Variants in LHX6 observed in about 807,000 individuals in gnomAD.
LHX6 encodes the protein LIM/homeobox protein Lhx6.
LHX6 carries 15 observed loss-of-function variants against 47.1 expected under a neutral mutation model. The observed-to-expected ratio is 0.32, with a 90% CI of 0.21 to 0.49. LHX6 has a LOEUF of 0.49. Among genes scored for constraint, LHX6 ranks in the 20% least tolerant of loss-of-function variants. LHX6 has a pLI of 0.99. For missense variants in LHX6, 404 were observed against 539.6 expected (o/e 0.75, Z 2.49); for synonymous variants, 242 against 233.5 (o/e 1.04, Z -0.33).
Position 122,203,835 on chromosome 9 carries a change from C to T in LHX6, c.*925G>A, listed in dbSNP as rs186265474. 1 of 152,648 alleles carries T rather than the reference C, an allele frequency of 6.6e-6. No individual in the cohort carries two copies. Among genetic ancestry groups the T allele is most frequent in the Non-Finnish European group, 1.5e-5 (1 of 68,124 alleles). The allele number at this position is 152,648 out of a possible 1,614,324, so 9.5% of individuals were successfully genotyped here. A position where few individuals can be genotyped will look rare whatever the true frequency, so the allele number is the denominator to read the frequency against. ...GGGATTCCCCTTCCATTGAGAAGACCTGGCCCAAGCACCACTATGAGAGGT... is the reference window on the plus strand; with the variant it reads ...GGGATTCCCCTTCCATTGAGAAGACTTGGCCCAAGCACCACTATGAGAGGT... On this transcript the variant is annotated 3_prime_UTR_variant, in exon 10 of 10. Transcript: ENST00000394319.
intron 9 of LHX6, among the ~76,000 whole-genome samples, chr9:122,207,279 A>G (rs1392669542): frequency 1.3e-5 from 2 of 152,332 alleles, no homozygotes; most frequent in Middle Eastern, 3.4e-3. Flanking sequence ...TCACCCTCCC[A>G]GGGAGACTAT....
At position 122,214,147 on chromosome 9, in the gene LHX6, C is replaced by T; in HGVS notation, c.784-78G>A. 1 of 1,462,660 alleles carries T rather than the reference C, an allele frequency of 6.8e-7. No individual in the cohort carries two copies. The highest frequency in any genetic ancestry group is 9.2e-7 in the Non-Finnish European group (1 of 1,082,222). The allele number at this position is 1,462,660 out of a possible 1,614,324, so 90.6% of individuals were successfully genotyped here. ...CGGCCCAATCAGCGGCGCCAGTCCA[C>T]AGGCCACGCCCCAGGCAGCTGCGGC... On this transcript the variant is annotated intron_variant, in intron 6 of 9. Coordinates refer to ENST00000394319, the MANE Select transcript of LHX6 (RefSeq NM_014368.5). This position sits in a 1 kb window ranked among gnomAD's most constrained non-coding sequence, Gnocchi z 4.6.
intron 8 of LHX6, 117 bp from the exon 9 acceptor site, chr9:122,209,834 C>G (rs1830332650): frequency 1.7e-6 from 1 of 597,314 alleles, no homozygotes. Flanking sequence ...CCACTTACCT[C>G]CTGGGTAGCC....
intron 1 of LHX6, 70 bp downstream of exon 1, chr9:122,228,587 C>A: frequency 1.5e-6 from 2 of 1,355,664 alleles, no homozygotes; most frequent in South Asian, 3.4e-5. Flanking sequence ...CCACCCTGCT[C>A]GGCCCGGCTG....
At chr9:122,206,066 T>C (rs919138395) in intron 9 of LHX6, among the ~76,000 whole-genome samples, 5 of 152,136 alleles carry the variant, frequency 3.3e-5, no homozygotes, top group Admixed American at 1.3e-4. Context: ...GGTCTCAGTC[T>C]CCTCCACTGA....
chr9:122,219,828 C>T lies in LHX6; in HGVS notation c.462-2540G>A, dbSNP rs530960739. On this transcript the variant is annotated intron_variant, in intron 4 of 9. Transcript: ENST00000394319. ...ACCTGCGGAGCAACTGGACTGGCGA[C>T]GAGGAAAGCTGGAATCCCGCATGGA... 5.3e-5 allele frequency among the ~76,000 whole-genome samples: 8 copies of T among 152,344 alleles called. No homozygotes were observed. In the East Asian group the frequency reaches 1.2e-3, roughly 22 times the overall value.
Position 122,213,160 on chromosome 9 carries a change from C to T in LHX6, c.1054+446G>A, listed in dbSNP as rs1830455032. 6.6e-6 allele frequency among the ~76,000 whole-genome samples: 1 copy of T among 151,998 alleles called. No individual in the cohort carries two copies. The highest frequency in any genetic ancestry group is 2.1e-4 in the South Asian group (1 of 4,818). ...TCAGTCTCTGCTTGCTGAAAGGCAG[C>T]CCAGCCCCTTCCCTTCCACCCCGCA... On this transcript the variant is annotated intron_variant, in intron 8 of 9. Coordinates refer to ENST00000394319, the MANE Select transcript of LHX6 (RefSeq NM_014368.5). The surrounding 1 kb of genome is among the most constrained non-coding windows in gnomAD (Gnocchi z 5.5).
rs1242832852 is a variant in LHX6, at chr9:122,204,493, G to A, written c.*267C>T. ...TTGAAGAGGACTCCTGTTTAAATGG[G>A]AAAAACAGGCTGTTTCCACCCTGAT... On this transcript the variant is annotated 3_prime_UTR_variant, in exon 10 of 10. Transcript: ENST00000394319. 1 of 414,856 alleles carries A rather than the reference G, an allele frequency of 2.4e-6. No individual in the cohort carries two copies. The highest frequency in any genetic ancestry group is 4.3e-5 in the Admixed American group (1 of 23,020). The allele number at this position is 414,856 out of a possible 1,614,324, so 25.7% of individuals were successfully genotyped here.
intron 9 of LHX6, 75 bp downstream of exon 9, chr9:122,209,539 A>C: frequency 6.3e-7 from 1 of 1,599,634 alleles, no homozygotes; most frequent in South Asian, 1.1e-5. Flanking sequence ...CCAAATGGTT[A>C]ACAGAGGATG....
Position 122,206,522 on chromosome 9 carries a change from C to T in LHX6, c.1159-1742G>A, listed in dbSNP as rs533002353. On this transcript the variant is annotated intron_variant, in intron 9 of 9. Coordinates refer to ENST00000394319, the MANE Select transcript of LHX6 (RefSeq NM_014368.5). ...GGAGGGAGAGACACTTTAATGCAGA[C>T]TTTCTGGGTGCAAAGTTGGGGACAC... is the stretch of plus-strand genomic sequence containing the variant. Among the ~76,000 whole-genome samples, 27 of 152,314 alleles carry T rather than the reference C, an allele frequency of 1.8e-4. 1 individual carries two copies. The highest frequency in any genetic ancestry group is 3.4e-3 in the Middle Eastern group (1 of 294).
At chr9:122,220,237 C>T (rs935441200) in intron 4 of LHX6, among the ~76,000 whole-genome samples, 3 of 152,256 alleles carry the variant, frequency 2.0e-5, no homozygotes, top group Admixed American at 1.3e-4. Flanking sequence ...GCAACTTTCT[C>T]ATGCTCCGCG....
chr9:122,224,754 C>G (rs868501472), intron 4 of LHX6, among the ~76,000 whole-genome samples: 11 of 152,152 alleles, frequency 7.2e-5, no homozygotes, highest in Non-Finnish European at 8.8e-5. Context: ...ATACAGACAC[C>G]CACTCTTGAC....
In LHX6 at chr9:122,209,632, G is replaced by C. The variant is rs775104521; in HGVS notation, c.1140C>G (p.Leu380=). Residue 380 remains leucine, a synonymous_variant, in exon 9 of 10, where the codon CTC becomes CTG. Coordinates refer to ENST00000394319, the MANE Select transcript of LHX6 (RefSeq NM_014368.5). ...CATTTACCTTCTCACCCCGGTTGGA[G>C]AGCGGCCCATCCATATCGGCTTTGA... The part of the protein sequence containing the change: ...VHLKADMDGP[L]SNRGEKVILF... The C allele has an allele frequency of 6.3e-7, 1 of 1,597,934 alleles. No homozygotes were observed. The highest frequency in any genetic ancestry group is 1.3e-5 in the African/African-American group (1 of 74,574).
chr9:122,228,399 G>A (rs1241321474), intron 1 of LHX6: 6 of 1,495,822 alleles, frequency 4.0e-6, no homozygotes, highest in Admixed American at 2.5e-5. Flanking sequence ...TACCGGCCTC[G>A]CCTCCTCTTG....
intron 8 of LHX6, among the ~76,000 whole-genome samples, chr9:122,211,603 C>T (rs1046851628): frequency 5.9e-5 from 9 of 152,210 alleles, no homozygotes; most frequent in African/African-American, 2.2e-4. Flanking sequence ...TGTGGTGACT[C>T]TCAGTCAGTC....
chr9:122,223,302 A>C (rs537879125), intron 4 of LHX6, among the ~76,000 whole-genome samples: 1 of 152,264 alleles, frequency 6.6e-6, no homozygotes, highest in African/African-American at 2.4e-5. Flanking sequence ...AATCTGGTTT[A>C]GTTTTGCTTT....
chr9:122,209,651 G>A lies in LHX6; in HGVS notation c.1121C>T (p.Ala374Val), dbSNP rs1181230340. 6.8e-7 allele frequency: 1 copy of A among 1,473,006 alleles called. No homozygotes were observed. Among genetic ancestry groups the A allele is most frequent in the African/African-American group, 1.4e-5 (1 of 72,226 alleles). The allele number at this position is 1,473,006 out of a possible 1,614,324, so 91.2% of individuals were successfully genotyped here. ...GTTGGAGAGCGGCCCATCCATATCG[G>A]CTTTGAGGTGGACGGGGGGTGCGGT... ...PYTAPPVHLK[A>V]DMDGPLSNRG... The change falls in exon 9 of 10, where the codon GCC (alanine) becomes GTC (valine). Residue 374 changes from alanine to valine, a missense_variant. Around this residue, in one of 7 missense-constraint regions of LHX6, gnomAD observed 127 missense variants for 116.1 expected, o/e 1.09. Transcript: ENST00000394319.
chr9:122,221,285 G>A (rs1206760730), intron 4 of LHX6: 40 of 985,386 alleles, frequency 4.1e-5, no homozygotes, highest in Admixed American at 6.1e-5. Flanking sequence ...GGAGGTCCCG[G>A]CCCCGAGGCT....
chr9:122,211,565 G>A (rs1193981372), intron 8 of LHX6, among the ~76,000 whole-genome samples: 1 of 152,204 alleles, frequency 6.6e-6, no homozygotes, highest in African/African-American at 2.4e-5. Flanking sequence ...ACAACTCCAT[G>A]ACTGTAGTTT....
Sources: allele counts gnomAD v4.1 joint callset (sites outside exome capture counted in the v4.1 genomes callset), GRCh38; gene constraint gnomAD v4.1.1; regional missense constraint gnomAD v4.1.1; non-coding constraint Gnocchi (gnomAD v3.1); transcripts MANE v1.5; gene names NCBI Gene and HGNC (gene_info 2026-07-23, HGNC 2026-07-21).